The following SYT1 variants were observed in gnomAD, a reference collection of about 807,000 sequenced individuals.
SYT1 encodes synaptotagmin-1.
Under a neutral mutation model 44.8 loss-of-function variants are expected in SYT1, and 8 were observed. The observed-to-expected ratio is 0.18, with a 90% CI of 0.10 to 0.32. SYT1 has a LOEUF of 0.32. SYT1 is among the 10% of genes least tolerant of loss of function. The pLI, the probability that SYT1 is intolerant of heterozygous loss-of-function variation, is 1.00. For synonymous variants in SYT1, 154 were observed against 188.8 expected (o/e 0.82, Z 1.51); for missense variants, 286 against 509.3 (o/e 0.56, Z 4.22).
At chr12:79,111,327 C>T (rs1878997054) in intron 3 of SYT1, among the ~76,000 whole-genome samples, 1 of 151,932 alleles carries the variant, frequency 6.6e-6, no homozygotes, top group African/African-American at 2.4e-5. Context: ...TCCTGCCTTA[C>T]GTAGCCTTTC....
At position 79,067,494 on chromosome 12, in the gene SYT1, A is replaced by G. The variant is rs151016298; in HGVS notation, c.-18+20132A>G. Among the ~76,000 whole-genome samples, 1,429 of 152,246 alleles carry G rather than the reference A, an allele frequency of 9.4e-3. 9 individuals carry two copies. The highest frequency in any genetic ancestry group is 0.016 in the Non-Finnish European group (1,087 of 68,006). ...AGTTTCAAGAGGCTTTTCTTTTTTT[A>G]ACATTTAAGATGCTTTACTTGGAGT... On this transcript the variant is annotated intron_variant, in intron 3 of 10. Coordinates refer to ENST00000261205, the MANE Select transcript of SYT1 (RefSeq NM_005639.3).
intron 1 of SYT1, among the ~76,000 whole-genome samples, chr12:78,882,216 A>T (rs1372146106): frequency 6.6e-6 from 1 of 151,740 alleles, no homozygotes; most frequent in Non-Finnish European, 1.5e-5. Context: ...ACTGAACTTT[A>T]AATAGATGCT....
chr12:79,416,707 G>A lies in SYT1; in HGVS notation c.929-27366G>A, dbSNP rs77989615. On this transcript the variant is annotated intron_variant, in intron 9 of 10. Coordinates refer to ENST00000261205, the MANE Select transcript of SYT1 (RefSeq NM_005639.3). ...AGTCTAATTTTTTTGCTAAAAGAAT[G>A]AGTAAAAAGTAATCAGCCATGTTAA... Among the ~76,000 whole-genome samples, 651 of 152,232 alleles carry A rather than the reference G, an allele frequency of 4.3e-3. 3 individuals carry two copies. Among genetic ancestry groups the A allele is most frequent in the Non-Finnish European group, 5.5e-3 (374 of 67,988 alleles).
Position 79,224,482 on chromosome 12 carries a change from CA to C in SYT1, c.166+6801del, listed in dbSNP as rs1332694581. 6.6e-5 allele frequency among the ~76,000 whole-genome samples: 10 copies of C among 152,152 alleles called. No individual in the cohort carries two copies. The South Asian group carries it at 1.7e-3, about 25-fold the overall frequency. ...GAAGGAAGTGGAGGAGAAGCTATCA[CA>C]AAACCTGGCAAATAGAACCAAGGCC... On this transcript the variant is annotated intron_variant, in intron 4 of 10. Coordinates refer to ENST00000261205, the MANE Select transcript of SYT1 (RefSeq NM_005639.3).
rs1161164869 is a variant in SYT1 at position 79,451,211 on chromosome 12, T to C, written c.*2087T>C. 1.3e-5 allele frequency: 2 copies of C among 152,182 alleles called. No homozygotes were observed. Among genetic ancestry groups the C allele is most frequent in the African/African-American group, 4.8e-5 (2 of 41,448 alleles). The allele number at this position is 152,182 out of a possible 1,614,324, so 9.4% of individuals were successfully genotyped here. A position where few individuals can be genotyped will look rare whatever the true frequency, so the allele number is the denominator to read the frequency against. On this transcript the variant is annotated 3_prime_UTR_variant, in exon 11 of 11. Coordinates refer to ENST00000261205, the MANE Select transcript of SYT1 (RefSeq NM_005639.3). ...GCCAGACATAGCAAACGCTTTATAA[T>C]TGGCATAGACATAAAGGATAAAAGG...
At chr12:79,200,499 C>T (rs1318354653) in intron 3 of SYT1, among the ~76,000 whole-genome samples, 1 of 152,072 alleles carries the variant, frequency 6.6e-6, no homozygotes, top group Non-Finnish European at 1.5e-5. Flanking sequence ...GCACAGTCCT[C>T]TGAAACTCAA....
chr12:79,070,572 A>AT (rs536501448), intron 3 of SYT1, among the ~76,000 whole-genome samples: 45 of 151,938 alleles, frequency 3.0e-4, no homozygotes, highest in Non-Finnish European at 5.6e-4. Flanking sequence ...TCCAACACCA[A>AT]TTTTTTAGGC....
chr12:79,086,425 G>A (rs961739728), intron 3 of SYT1, among the ~76,000 whole-genome samples: 3 of 152,078 alleles, frequency 2.0e-5, no homozygotes, highest in Non-Finnish European at 4.4e-5. Context: ...CTCAGAACAC[G>A]GTGACGAAAA....
intron 2 of SYT1, among the ~76,000 whole-genome samples, chr12:79,016,266 C>A (rs1325432938): frequency 6.6e-6 from 1 of 152,088 alleles, no homozygotes; most frequent in Non-Finnish European, 1.5e-5. Context: ...CAGATAAAAG[C>A]TCAAAAGAAA....
chr12:79,022,823 G>A (rs957372564), intron 2 of SYT1, among the ~76,000 whole-genome samples: 27 of 151,708 alleles, frequency 1.8e-4, no homozygotes, highest in African/African-American at 6.5e-4. Flanking sequence ...GCTAAATTAA[G>A]CTTCTTTACT....
intron 3 of SYT1, among the ~76,000 whole-genome samples, chr12:79,099,157 G>A (rs1878308617): frequency 6.6e-6 from 1 of 152,044 alleles, no homozygotes; most frequent in Admixed American, 6.6e-5. Context: ...GCAGCCAGAA[G>A]GTGAATTTTG....
At chr12:78,944,826 A>C (rs1243038932) in intron 1 of SYT1, among the ~76,000 whole-genome samples, 2 of 152,188 alleles carry the variant, frequency 1.3e-5, no homozygotes, top group Non-Finnish European at 1.5e-5. Flanking sequence ...CACACAGTGT[A>C]GTCTTATGTC....
At chr12:79,013,553 C>T (rs1409018300) in intron 2 of SYT1, among the ~76,000 whole-genome samples, 3 of 152,188 alleles carry the variant, frequency 2.0e-5, no homozygotes, top group Admixed American at 2.0e-4. Context: ...ACTAACTCAT[C>T]TCCCCATCTT....
At chr12:79,094,511 G>T (rs1473967202) in intron 3 of SYT1, among the ~76,000 whole-genome samples, 3 of 151,716 alleles carry the variant, frequency 2.0e-5, no homozygotes, top group African/African-American at 7.3e-5. Context: ...CAAACATACA[G>T]ATAGGACACA....
chr12:79,178,065 T>G (rs1872008638), intron 3 of SYT1, among the ~76,000 whole-genome samples: 1 of 152,022 alleles, frequency 6.6e-6, no homozygotes, highest in Admixed American at 6.6e-5. Context: ...ATCCCATTTG[T>G]CAATTTTGGC....
At chr12:79,083,866 T>G (rs191577625) in intron 3 of SYT1, among the ~76,000 whole-genome samples, 1 of 152,266 alleles carries the variant, frequency 6.6e-6, no homozygotes, top group East Asian at 1.9e-4. Flanking sequence ...AACACGAACA[T>G]CTTTGTGTTC....
intron 9 of SYT1, chr12:79,392,992 C>T (rs1175079497): frequency 3.5e-5 from 4 of 115,636 alleles, no homozygotes; most frequent in Non-Finnish European, 5.0e-5. Context: ...ATGTGATGTT[C>T]CCCTGTCTGT....
chr12:79,390,014 T>G (rs971171888), intron 9 of SYT1, among the ~76,000 whole-genome samples: 1 of 151,838 alleles, frequency 6.6e-6, no homozygotes, highest in Non-Finnish European at 1.5e-5. Flanking sequence ...CTCACTGCAA[T>G]TTCTGCCTCC....
At chr12:79,103,737 T>G (rs979047559) in intron 3 of SYT1, among the ~76,000 whole-genome samples, 1 of 151,702 alleles carries the variant, frequency 6.6e-6, no homozygotes, top group Non-Finnish European at 1.5e-5. Flanking sequence ...CTTCCCTGGT[T>G]AAACTGTATC....
Sources: gnomAD v4.1 joint callset for allele counts (sites outside exome capture counted in the v4.1 genomes callset) on GRCh38, gnomAD v4.1.1 for gene constraint, MANE v1.5 for transcripts, NCBI Gene and HGNC (gene_info 2026-07-23, HGNC 2026-07-21) for gene names.